The following SMOC1 variants were observed in gnomAD, a reference collection of about 807,000 sequenced individuals.
The protein encoded by SMOC1 is SPARC-related modular calcium-binding protein 1.
Under a neutral mutation model 56.3 loss-of-function variants are expected in SMOC1, and 22 were observed. That is an observed-to-expected ratio of 0.39 (90% CI 0.28 to 0.56). SMOC1 has a LOEUF of 0.56. Among genes scored for constraint, SMOC1 ranks in the 20% least tolerant of loss-of-function variants. The pLI is 0.61. For synonymous variants in SMOC1, 193 were observed against 215.0 expected (o/e 0.90, Z 0.89); for missense variants, 509 against 565.4 (o/e 0.90, Z 1.01).
intron 5 of SMOC1, among the ~76,000 whole-genome samples, chr14:69,984,265 A>T (rs947447110): frequency 1.3e-5 from 2 of 152,258 alleles, no homozygotes; most frequent in African/African-American, 4.8e-5. Flanking sequence ...CTCAGACCTG[A>T]TATGAAAATG....
At position 69,947,545 on chromosome 14, in the gene SMOC1, G is replaced by T. The variant is rs150415885; in HGVS notation, c.100-4593G>T. 5.9e-3 allele frequency among the ~76,000 whole-genome samples: 892 copies of T among 152,200 alleles called. 13 individuals carry two copies. Among genetic ancestry groups the T allele is most frequent in the African/African-American group, 0.02 (845 of 41,536 alleles). ...TTCAAAATGCAGAAATTATTCTCCA[G>T]ATCAGCTTCTTTTTTCTTTTTCTTT... On this transcript the variant is annotated intron_variant, in intron 1 of 11. Coordinates refer to ENST00000361956, the MANE Select transcript of SMOC1 (RefSeq NM_001034852.3).
At chr14:70,011,449 C>A in intron 8 of SMOC1, 36 bp from the exon 9 acceptor site, 1 of 1,257,896 alleles carries the variant, frequency 7.9e-7, no homozygotes, top group Non-Finnish European at 1.2e-6. Flanking sequence ...CAGTTGCCAG[C>A]CCCTCCCAAC....
At chr14:69,915,159 C>T (rs553611706) in intron 1 of SMOC1, among the ~76,000 whole-genome samples, 13 of 152,344 alleles carry the variant, frequency 8.5e-5, no homozygotes, top group Admixed American at 2.0e-4. Flanking sequence ...TGAGCCACCG[C>T]GCCCGGCCAG....
intron 7 of SMOC1, among the ~76,000 whole-genome samples, chr14:70,002,148 C>T (rs1884991508): frequency 6.6e-6 from 1 of 152,166 alleles, no homozygotes; most frequent in Non-Finnish European, 1.5e-5. Context: ...GACAGTTCTT[C>T]TCTTGGCCAG....
chr14:69,935,661 C>T (rs909065217), intron 1 of SMOC1, among the ~76,000 whole-genome samples: 5 of 152,128 alleles, frequency 3.3e-5, no homozygotes, highest in Non-Finnish European at 7.3e-5. Flanking sequence ...AAGGAGCTTG[C>T]TACATGTGGG....
At chr14:69,990,052 G>T (rs1884506560) in intron 5 of SMOC1, among the ~76,000 whole-genome samples, 1 of 152,174 alleles carries the variant, frequency 6.6e-6, no homozygotes, top group Non-Finnish European at 1.5e-5. Context: ...TTCACCCTCA[G>T]TGACCCTACC....
At chr14:69,941,561 TTG>T (rs1882564027) in intron 1 of SMOC1, among the ~76,000 whole-genome samples, 2 of 152,226 alleles carry the variant, frequency 1.3e-5, no homozygotes, top group Admixed American at 1.3e-4. Context: ...GTCTTCTCTG[TTG>T]TCTCTCATAC....
At chr14:70,029,980 T>A (rs113704155) in intron 11 of SMOC1, among the ~76,000 whole-genome samples, 1,853 of 152,272 alleles carry the variant, frequency 0.012, 29 homozygotes, top group African/African-American at 0.043. Flanking sequence ...CAAGCCTCGT[T>A]CTCTCCAATG....
In SMOC1 at chr14:70,003,465, C is replaced by T. The variant is rs147271196; in HGVS notation, c.665-7289C>T. On this transcript the variant is annotated intron_variant, in intron 7 of 11. Transcript: ENST00000361956. ...TGCAGCCTCTGTGGTCTCATCCCTA[C>T]GGTTTATTCAACAGTGGGCAGCCCC... 2.4e-3 allele frequency among the ~76,000 whole-genome samples: 361 copies of T among 152,276 alleles called. 1 individual carries two copies. The highest frequency in any genetic ancestry group is 7.3e-3 in the African/African-American group (305 of 41,538).
intron 1 of SMOC1, among the ~76,000 whole-genome samples, chr14:69,905,444 C>G (rs77366373): frequency 0.1 from 15,244 of 152,094 alleles, 849 homozygotes; most frequent in South Asian, 0.2. Context: ...GGACAAGGCA[C>G]CTACACACAA....
At chr14:69,888,769 G>A (rs1883881407) in intron 1 of SMOC1, among the ~76,000 whole-genome samples, 1 of 152,116 alleles carries the variant, frequency 6.6e-6, no homozygotes, top group Non-Finnish European at 1.5e-5. Flanking sequence ...CTAAGGCAGT[G>A]CTGGGAGTTT....
chr14:69,889,908 G>A (rs1476435907), intron 1 of SMOC1, among the ~76,000 whole-genome samples: 1 of 152,072 alleles, frequency 6.6e-6, no homozygotes, highest in Admixed American at 6.5e-5. Flanking sequence ...AATTTTCTGT[G>A]TCCCTCTTTG....
chr14:69,967,076 C>T (rs1465354405), intron 3 of SMOC1, among the ~76,000 whole-genome samples: 2 of 152,204 alleles, frequency 1.3e-5, no homozygotes, highest in Non-Finnish European at 2.9e-5. Flanking sequence ...ACAAGGCCAT[C>T]TCTTGTTCTA....
intron 5 of SMOC1, among the ~76,000 whole-genome samples, chr14:69,982,538 A>G (rs1271823721): frequency 6.6e-6 from 1 of 152,144 alleles, no homozygotes; most frequent in Admixed American, 6.5e-5. Flanking sequence ...GACGAAGGGG[A>G]CTGGGTGGCC....
At chr14:69,944,254 G>A (rs975949928) in intron 1 of SMOC1, among the ~76,000 whole-genome samples, 3 of 152,190 alleles carry the variant, frequency 2.0e-5, no homozygotes. Flanking sequence ...GGTGTTCTGG[G>A]GGCTCATTAC....
At chr14:69,938,380 A>G (rs1882407319) in intron 1 of SMOC1, among the ~76,000 whole-genome samples, 1 of 152,114 alleles carries the variant, frequency 6.6e-6, no homozygotes, top group Non-Finnish European at 1.5e-5. Flanking sequence ...AAAGCACAAT[A>G]TGCGAGTGGA....
intron 5 of SMOC1, among the ~76,000 whole-genome samples, chr14:69,982,679 A>G (rs886391967): frequency 6.6e-6 from 1 of 152,224 alleles, no homozygotes; most frequent in Non-Finnish European, 1.5e-5. Context: ...TCCTGCTCAC[A>G]TGACTTAAAT....
At chr14:70,029,136 C>T (rs548256423) in intron 11 of SMOC1, among the ~76,000 whole-genome samples, 10 of 152,258 alleles carry the variant, frequency 6.6e-5, no homozygotes, top group East Asian at 3.9e-4. Context: ...GGAGTGGTGG[C>T]GGGGGGCAGC....
At chr14:69,880,081 C>T (rs1447240937) in intron 1 of SMOC1, among the ~76,000 whole-genome samples, 1 of 151,956 alleles carries the variant, frequency 6.6e-6, no homozygotes, top group African/African-American at 2.4e-5. Flanking sequence ...GTGCCTCCTG[C>T]GTCGGAGAGA....
Sources: allele counts gnomAD v4.1 joint callset (sites outside exome capture counted in the v4.1 genomes callset), GRCh38; gene constraint gnomAD v4.1.1; transcripts MANE v1.5; gene names NCBI Gene and HGNC (gene_info 2026-07-23, HGNC 2026-07-21).